The following SORCS1 variants were observed in gnomAD, a reference collection of about 807,000 sequenced individuals.
The protein encoded by SORCS1 is sortilin related VPS10 domain containing receptor 1, also known as VPS10 domain-containing receptor SorCS1.
Under a neutral mutation model 146.1 loss-of-function variants are expected in SORCS1, and 60 were observed. The ratio of observed to expected loss-of-function variants is 0.41; its 90% CI spans 0.33 to 0.51. The LOEUF is 0.51. SORCS1 is among the 20% of genes least tolerant of loss of function. SORCS1 has a pLI of 0.21. For missense variants in SORCS1, 1,352 were observed against 1,487.6 expected (o/e 0.91, Z 1.50); for synonymous variants, 637 against 584.0 (o/e 1.09, Z -1.31).
chr10:106,904,457 G>C (rs1951833216), intron 2 of SORCS1, among the ~76,000 whole-genome samples: 1 of 152,130 alleles, frequency 6.6e-6, no homozygotes, highest in South Asian at 2.1e-4. Flanking sequence ...AAGTACCATG[G>C]GCATCTACTG....
At chr10:106,957,161 T>TTTG (rs1316075559) in intron 1 of SORCS1, among the ~76,000 whole-genome samples, 1 of 28,104 alleles carries the variant, frequency 3.6e-5, no homozygotes, top group Non-Finnish European at 9.1e-5. Context: ...TGTGGTTTTT[T>TTTG]TTTGTTTTTT....
chr10:106,591,453 G>C (rs1288262735), intron 24 of SORCS1, among the ~76,000 whole-genome samples: 1 of 152,166 alleles, frequency 6.6e-6, no homozygotes, highest in African/African-American at 2.4e-5. Context: ...GCATGTCATG[G>C]GGACAGGTTC....
chr10:106,836,030 C>G (rs1267543386), intron 2 of SORCS1, among the ~76,000 whole-genome samples: 1 of 150,954 alleles, frequency 6.6e-6, no homozygotes, highest in Non-Finnish European at 1.5e-5. Context: ...TCCTAACAGA[C>G]AACATCATAA....
rs182169203 is a variant in SORCS1, at chr10:107,033,270, C to T, written c.559-76690G>A. ...TCACGAGAACAGCAAAGGGGAACCT[C>T]ACCCCCATGATCCAATCACCTCCCA... On this transcript the variant is annotated intron_variant, in intron 1 of 25. Coordinates refer to ENST00000263054, the MANE Select transcript of SORCS1 (RefSeq NM_052918.5). Among the ~76,000 whole-genome samples the T allele has an allele frequency of 3.4e-3, 512 of 152,316 alleles. 1 individual carries two copies. Among genetic ancestry groups the T allele is most frequent in the African/African-American group, 0.012 (496 of 41,572 alleles).
chr10:107,068,869 C>CAAA (rs397763642), intron 1 of SORCS1, among the ~76,000 whole-genome samples: 5 of 122,682 alleles, frequency 4.1e-5, no homozygotes, highest in Non-Finnish European at 3.5e-5. Context: ...GACTCCGTCT[C>CAAA]AAAAAAAAAA....
At chr10:106,743,206 A>C (rs1185258133) in intron 5 of SORCS1, among the ~76,000 whole-genome samples, 1 of 151,966 alleles carries the variant, frequency 6.6e-6, no homozygotes, top group Non-Finnish European at 1.5e-5. Flanking sequence ...AGAACATGGG[A>C]AAGAGAGGAT....
intron 5 of SORCS1, among the ~76,000 whole-genome samples, chr10:106,736,433 C>G (rs1021982976): frequency 6.6e-6 from 1 of 152,136 alleles, no homozygotes; most frequent in Admixed American, 6.5e-5. Context: ...TCCCACAGCC[C>G]CTCTTCATAA....
chr10:107,168,238 G>C (rs1357513523), upstream of SORCS1, among the ~76,000 whole-genome samples: 1 of 152,104 alleles, frequency 6.6e-6, no homozygotes, highest in Non-Finnish European at 1.5e-5. Flanking sequence ...TCATATGGCT[G>C]ACTCCTCTTT....
intron 2 of SORCS1, among the ~76,000 whole-genome samples, chr10:106,924,443 A>T (rs1952882716): frequency 6.6e-6 from 1 of 151,400 alleles, no homozygotes; most frequent in East Asian, 2.0e-4. Context: ...AATTTTTAAT[A>T]TTATGAAAAT....
intron 1 of SORCS1, among the ~76,000 whole-genome samples, chr10:106,964,171 A>G (rs1483109483): frequency 6.6e-6 from 1 of 152,220 alleles, no homozygotes; most frequent in African/African-American, 2.4e-5. Context: ...ATGAGCAGGG[A>G]CCCAACACAA....
chr10:106,746,219 T>C (rs1173318894), intron 5 of SORCS1, among the ~76,000 whole-genome samples: 2 of 152,358 alleles, frequency 1.3e-5, no homozygotes, highest in South Asian at 2.1e-4. Context: ...TAGTTCACTG[T>C]TTTTTACCAA....
intron 2 of SORCS1, among the ~76,000 whole-genome samples, chr10:106,840,988 T>TG (rs568487359): frequency 6.9e-4 from 105 of 151,452 alleles, no homozygotes; most frequent in African/African-American, 2.5e-3. Flanking sequence ...CCCGAGTAGC[T>TG]GGGACTACAG....
At chr10:106,695,807 C>G (rs1853655366) in intron 9 of SORCS1, among the ~76,000 whole-genome samples, 1 of 152,158 alleles carries the variant, frequency 6.6e-6, no homozygotes, top group Non-Finnish European at 1.5e-5. Flanking sequence ...CCAATTGACA[C>G]TGATGGAAAA....
At chr10:106,738,199 A>T (rs1370745716) in intron 5 of SORCS1, among the ~76,000 whole-genome samples, 1 of 152,212 alleles carries the variant, frequency 6.6e-6, no homozygotes, top group Non-Finnish European at 1.5e-5. Flanking sequence ...AGTCAAAGGG[A>T]TCCTTATCTT....
chr10:106,877,168 C>T (rs1011754395), intron 2 of SORCS1, among the ~76,000 whole-genome samples: 1 of 152,146 alleles, frequency 6.6e-6, no homozygotes, highest in African/African-American at 2.4e-5. Context: ...GATTTTTCTA[C>T]AAATTATGAA....
chr10:106,741,554 C>A (rs576119358), intron 5 of SORCS1, among the ~76,000 whole-genome samples: 1 of 151,946 alleles, frequency 6.6e-6, no homozygotes, highest in African/African-American at 2.4e-5. Context: ...GCCAAGATTG[C>A]GTCACTGCAA....
chr10:107,004,468 C>A (rs73371944), intron 1 of SORCS1, among the ~76,000 whole-genome samples: 7,432 of 152,128 alleles, frequency 0.049, 600 homozygotes, highest in African/African-American at 0.17. Flanking sequence ...TGGGAGCAGG[C>A]AAGAGAGGTT....
At chr10:107,013,360 T>C (rs1375556927) in intron 1 of SORCS1, among the ~76,000 whole-genome samples, 1 of 152,038 alleles carries the variant, frequency 6.6e-6, no homozygotes, top group East Asian at 1.9e-4. Flanking sequence ...GTTTCAGATC[T>C]AGCCAGGAAC....
At chr10:106,589,965 T>C (rs1389407501) in intron 24 of SORCS1, among the ~76,000 whole-genome samples, 1 of 152,194 alleles carries the variant, frequency 6.6e-6, no homozygotes, top group African/African-American at 2.4e-5. Context: ...TAGCGCACAA[T>C]GGATGATGGA....
Sources: allele counts gnomAD v4.1 joint callset (sites outside exome capture counted in the v4.1 genomes callset), GRCh38; gene constraint gnomAD v4.1.1; transcripts MANE v1.5; gene names NCBI Gene and HGNC (gene_info 2026-07-23, HGNC 2026-07-21).